Variants in FSHR observed in about 807,000 individuals in gnomAD.
The protein encoded by FSHR is follicle stimulating hormone receptor, also known as follicle-stimulating hormone receptor.
In FSHR, 46 loss-of-function variants were observed where a neutral mutation model predicts 52.1. The ratio of observed to expected loss-of-function variants is 0.88; its 90% CI spans 0.70 to 1.13. FSHR has a LOEUF of 1.13. Ranked by LOEUF, FSHR falls within the 50% of genes most tolerant of loss-of-function variation. The pLI is 0.00. For missense variants in FSHR, 964 were observed against 834.6 expected, an observed-to-expected ratio of 1.16 and a Z score of -1.91; for synonymous variants, 399 against 309.6, an observed-to-expected ratio of 1.29 and a Z score of -3.03.
At chr2:48,973,201 C>T (rs1224660856) in intron 8 of FSHR, among the ~76,000 whole-genome samples, 2 of 152,134 alleles carry the variant, frequency 1.3e-5, no homozygotes, top group African/African-American at 4.8e-5. Context: ...CTAAACCATG[C>T]AGACAGGTCC....
chr2:49,118,747 T>A (rs1481712431), intron 1 of FSHR, among the ~76,000 whole-genome samples: 1 of 152,098 alleles, frequency 6.6e-6, no homozygotes, highest in African/African-American at 2.4e-5. Flanking sequence ...CAGCACCATA[T>A]CCGTTCCAGG....
At chr2:49,152,047 A>T (rs1673081459) in intron 1 of FSHR, among the ~76,000 whole-genome samples, 2 of 152,134 alleles carry the variant, frequency 1.3e-5, no homozygotes, top group South Asian at 4.1e-4. Context: ...GTCAAGCCCT[A>T]CCAATGAGTG....
chr2:49,089,743 T>C (rs980451648), intron 1 of FSHR, among the ~76,000 whole-genome samples: 5 of 149,948 alleles, frequency 3.3e-5, no homozygotes, highest in Non-Finnish European at 1.5e-5. Flanking sequence ...AGTTCCTAAT[T>C]TGACAGTAGC....
intron 8 of FSHR, among the ~76,000 whole-genome samples, chr2:48,978,692 A>G (rs894083096): frequency 3.9e-5 from 6 of 152,172 alleles, no homozygotes; most frequent in African/African-American, 1.4e-4. Context: ...CAAGGTCAAG[A>G]CTCACAAGGG....
intron 6 of FSHR, among the ~76,000 whole-genome samples, chr2:48,987,982 T>C (rs893847862): frequency 2.0e-5 from 3 of 152,204 alleles, no homozygotes; most frequent in Admixed American, 2.0e-4. Context: ...TTTAATTTTA[T>C]TGTTCCCTCC....
At chr2:49,064,413 C>A (rs1185570672) in intron 2 of FSHR, among the ~76,000 whole-genome samples, 1 of 152,018 alleles carries the variant, frequency 6.6e-6, no homozygotes, top group Non-Finnish European at 1.5e-5. Flanking sequence ...TGGGTTCTCT[C>A]TCTTCTCCTC....
At chr2:48,976,636 A>G (rs930809343) in intron 8 of FSHR, among the ~76,000 whole-genome samples, 4 of 152,088 alleles carry the variant, frequency 2.6e-5, no homozygotes, top group Non-Finnish European at 4.4e-5. Flanking sequence ...TTGGTAGGCT[A>G]TTAGTTACTG....
chr2:48,978,619 A>AT, intron 8 of FSHR, among the ~76,000 whole-genome samples: 1 of 151,608 alleles, frequency 6.6e-6, no homozygotes, highest in South Asian at 2.1e-4. Context: ...TCGATTGCTT[A>AT]AAAAAAAACA....
chr2:49,121,750 T>A (rs1204133934), intron 1 of FSHR, among the ~76,000 whole-genome samples: 1 of 152,214 alleles, frequency 6.6e-6, no homozygotes, highest in African/African-American at 2.4e-5. Flanking sequence ...AAAAACTGGT[T>A]GCCACCGCAT....
chr2:49,060,784 C>T (rs1669259991), intron 2 of FSHR, among the ~76,000 whole-genome samples: 1 of 152,162 alleles, frequency 6.6e-6, no homozygotes, highest in Non-Finnish European at 1.5e-5. Flanking sequence ...TACCTCTCTC[C>T]CTGGGGAGTG....
intron 4 of FSHR, among the ~76,000 whole-genome samples, chr2:49,010,491 T>C (rs1400087151): frequency 6.6e-6 from 1 of 152,162 alleles, no homozygotes; most frequent in Non-Finnish European, 1.5e-5. Flanking sequence ...AAAATTCTCT[T>C]TTTTTGTTGT....
At chr2:49,121,137 G>T (rs1572771443) in intron 1 of FSHR, among the ~76,000 whole-genome samples, 1 of 152,312 alleles carries the variant, frequency 6.6e-6, no homozygotes, top group East Asian at 1.9e-4. Context: ...TGTGTGTTAG[G>T]GAATAATGTG....
chr2:49,053,875 A>T (rs925035525), intron 2 of FSHR, among the ~76,000 whole-genome samples: 2 of 152,176 alleles, frequency 1.3e-5, no homozygotes, highest in Non-Finnish European at 2.9e-5. Flanking sequence ...TCAGATACTG[A>T]GATTGAGTAT....
intron 1 of FSHR, among the ~76,000 whole-genome samples, chr2:49,145,494 A>T (rs1672838338): frequency 6.6e-6 from 1 of 152,076 alleles, no homozygotes. Flanking sequence ...GGACAGGCCA[A>T]TGGCTGTCTT....
chr2:49,044,349 G>T (rs976634287), intron 2 of FSHR, among the ~76,000 whole-genome samples: 8 of 152,060 alleles, frequency 5.3e-5, no homozygotes, highest in African/African-American at 1.9e-4. Context: ...CACCTTCCCT[G>T]GTTCCTTTTA....
chr2:48,990,617 A>G lies in FSHR; in HGVS notation c.395T>C (p.Ile132Thr), dbSNP rs140415279. Residue 132 changes from isoleucine (I) to threonine (T), a missense_variant, in exon 5 of 10, where the codon ATT becomes ACT. Physicochemically the swap from Ile to Thr is moderately conservative, Grantham distance 89. Coordinates refer to ENST00000406846, the MANE Select transcript of FSHR (RefSeq NM_000145.4). ...CTTGTGAACATCTGGAAGGTGCTTA[A>G]TACCTGTGTTGGATATTAACCTAGA... ...LQYLLISNTGIKHLPDVHKIH... is the reference protein window; with the variant it reads ...LQYLLISNTGTKHLPDVHKIH... The G allele has an allele frequency of 8.7e-6, 14 of 1,611,020 alleles. No homozygotes were observed. Among genetic ancestry groups the G allele is most frequent in the Non-Finnish European group, 1.1e-5 (13 of 1,177,340 alleles).
At chr2:48,989,079 G>C (rs1675649425) in intron 5 of FSHR, 25 bp from the exon 6 acceptor site, 1 of 1,583,712 alleles carries the variant, frequency 6.3e-7, no homozygotes, top group East Asian at 2.2e-5. Context: ...AGACAAATAA[G>C]ATACTTACAT....
intron 1 of FSHR, among the ~76,000 whole-genome samples, chr2:49,097,850 C>T (rs1316848987): frequency 6.6e-6 from 1 of 152,084 alleles, no homozygotes. Context: ...AGATTTAATT[C>T]ATAATAGAGA....
chr2:49,098,192 C>A lies in FSHR; in HGVS notation c.153-29902G>T, dbSNP rs944112593. 1.1e-4 allele frequency among the ~76,000 whole-genome samples: 17 copies of A among 152,166 alleles called. No homozygotes were observed. The East Asian group carries it at 3.3e-3, about 29-fold the overall frequency. On this transcript the variant is annotated intron_variant, in intron 1 of 9. Transcript: ENST00000406846. ...AAATTTAAATTTGTAATTGGGTGTA[C>A]TTTTTTTATTTGCTAAATCTGGCAA...
Sources: gnomAD v4.1 joint callset for allele counts (sites outside exome capture counted in the v4.1 genomes callset) on GRCh38, gnomAD v4.1.1 for gene constraint, MANE v1.5 for transcripts, NCBI Gene and HGNC (gene_info 2026-07-23, HGNC 2026-07-21) for gene names.